Variants in MOB2 observed in about 807,000 individuals in gnomAD.
MOB2 encodes MOB2 Mps One Binder homolog.
In MOB2, 14 loss-of-function variants were observed where a neutral mutation model predicts 27.4. The observed-to-expected ratio is 0.51, with a 90% CI of 0.34 to 0.80. MOB2 has a LOEUF of 0.80. MOB2 is among the 30% of genes least tolerant of loss of function. MOB2 has a pLI of 0.01. For missense variants in MOB2, 304 were observed against 354.6 expected (o/e 0.86, Z 1.15); for synonymous variants, 167 against 151.8 (o/e 1.10, Z -0.74).
chr11:1,470,364 G>A lies in MOB2; in HGVS notation c.615C>T (p.His205=). ...TGAAGTGGACGTAGAGCGTGTTCAA[G>A]TGTCCGTGCAGCTCCAGGGCCAGCG... The part of the protein sequence containing the change: ...KETLALELHG[H]LNTLYVHFIL... The change falls in exon 5 of 5, where the codon CAC becomes CAT. Residue 205 remains histidine (H), a synonymous_variant. Transcript: ENST00000329957. 1.2e-6 allele frequency: 2 copies of A among 1,613,692 alleles called. No individual in the cohort carries two copies. The highest frequency in any genetic ancestry group is 1.7e-5 in the Admixed American group (1 of 60,038).
At chr11:1,479,176 C>T (rs982241603) in intron 3 of MOB2, among the ~76,000 whole-genome samples, 1 of 152,166 alleles carries the variant, frequency 6.6e-6, no homozygotes, top group Non-Finnish European at 1.5e-5. Flanking sequence ...AGGAGCAGAG[C>T]CTCTGGGAAG....
intron 1 of MOB2, 47 bp from the exon 2 acceptor site, chr11:1,480,932 C>T (rs1037689913): frequency 6.5e-7 from 1 of 1,543,296 alleles, no homozygotes; most frequent in African/African-American, 1.4e-5. Context: ...CCCATCAGAC[C>T]CAGGGTCTGC....
intron 3 of MOB2, among the ~76,000 whole-genome samples, chr11:1,474,000 A>G (rs1007889815): frequency 6.6e-6 from 1 of 152,216 alleles, no homozygotes; most frequent in Non-Finnish European, 1.5e-5. Flanking sequence ...CTCACTGCCC[A>G]GACACTGCCC....
chr11:1,477,392 C>G (rs1451116196), intron 3 of MOB2, among the ~76,000 whole-genome samples: 1 of 152,210 alleles, frequency 6.6e-6, no homozygotes, highest in Admixed American at 6.5e-5. Context: ...TGTCCTCTTA[C>G]TTCTCACCCG....
chr11:1,470,897 C>T (rs7396027), intron 4 of MOB2, among the ~76,000 whole-genome samples: 42,194 of 152,250 alleles, frequency 0.28, 6,933 homozygotes, highest in East Asian at 0.63. Context: ...CTGTTGTCCC[C>T]TGCCGTCCCT....
rs1437640430 is a variant in MOB2 at position 1,469,860 on chromosome 11, C to T, written c.*312G>A. 1 of 633,970 alleles carries T rather than the reference C, an allele frequency of 1.6e-6. No homozygotes were observed. Among genetic ancestry groups the T allele is most frequent in the Non-Finnish European group, 2.9e-6 (1 of 346,342 alleles). 39.3% of individuals were successfully genotyped at this position (633,970 alleles called of 1,614,324 possible). ...AGCAGCACCCGAGGGAGGGCAGGGG[C>T]TGCACGGAGACCAGAGAAAGGAAAA... On this transcript the variant is annotated 3_prime_UTR_variant, in exon 5 of 5. Coordinates refer to ENST00000329957, the MANE Select transcript of MOB2 (RefSeq NM_001172223.3).
rs1847781535 is a variant in MOB2, at chr11:1,470,942, A to T, written c.490+353T>A. On this transcript the variant is annotated intron_variant, in intron 4 of 4. Transcript: ENST00000329957. Reference sequence around the variant, plus strand: ...CGGGAGTGGCGTGGAGCCCCACCACATCCCACCAAAATCTGGACACAGGCT... The same window carrying T: ...CGGGAGTGGCGTGGAGCCCCACCACTTCCCACCAAAATCTGGACACAGGCT... Among the ~76,000 whole-genome samples, 3 of 152,228 alleles carry T rather than the reference A, an allele frequency of 2.0e-5. No homozygotes were observed. The South Asian group carries it at 6.2e-4, about 31-fold the overall frequency.
intron 3 of MOB2, among the ~76,000 whole-genome samples, chr11:1,477,448 G>A (rs1476388534): frequency 6.6e-6 from 1 of 152,162 alleles, no homozygotes; most frequent in Non-Finnish European, 1.5e-5. Flanking sequence ...GGGTGCTTAT[G>A]CCCCACATTC....
intron 4 of MOB2, 60 bp downstream of exon 4, chr11:1,471,235 C>T (rs1215783429): frequency 2.0e-5 from 31 of 1,555,066 alleles, no homozygotes; most frequent in African/African-American, 9.5e-5. Context: ...CTTGCAGACA[C>T]GTCCTGAATG....
intron 1 of MOB2, among the ~76,000 whole-genome samples, chr11:1,485,897 T>C (rs1462426992): frequency 6.6e-6 from 1 of 152,076 alleles, no homozygotes; most frequent in Non-Finnish European, 1.5e-5. Flanking sequence ...TCCGGCAACA[T>C]CCCTATGGCA....
At chr11:1,472,622 G>C (rs76629325) in intron 3 of MOB2, 1 of 152,366 alleles carries the variant, frequency 6.6e-6, no homozygotes, top group Non-Finnish European at 1.5e-5. Context: ...GGGTGGGGCA[G>C]TGCTGAAAAG....
chr11:1,469,953 G>T lies in MOB2; in HGVS notation c.*219C>A, dbSNP rs932945007. Reference sequence around the variant, plus strand: ...GCTGAACGAGTGAATGGGCCCAAAGGCTCTTCTCTACAAACGGCACGCATC... The same window carrying T: ...GCTGAACGAGTGAATGGGCCCAAAGTCTCTTCTCTACAAACGGCACGCATC... On this transcript the variant is annotated 3_prime_UTR_variant, in exon 5 of 5. Coordinates refer to ENST00000329957, the MANE Select transcript of MOB2 (RefSeq NM_001172223.3). 1 of 1,128,084 alleles carries T rather than the reference G, an allele frequency of 8.9e-7. No individual in the cohort carries two copies. Among genetic ancestry groups the T allele is most frequent in the Non-Finnish European group, 1.3e-6 (1 of 775,452 alleles). The allele number at this position is 1,128,084 out of a possible 1,614,324, so 69.9% of individuals were successfully genotyped here.
chr11:1,475,535 A>G (rs1209105960), intron 3 of MOB2, among the ~76,000 whole-genome samples: 4 of 152,218 alleles, frequency 2.6e-5, no homozygotes, highest in Admixed American at 2.6e-4. Flanking sequence ...TCCTGAAGTG[A>G]TCCACCGCCT....
intron 3 of MOB2, among the ~76,000 whole-genome samples, chr11:1,473,917 C>A (rs892540969): frequency 3.9e-5 from 6 of 152,276 alleles, no homozygotes; most frequent in Non-Finnish European, 7.3e-5. Flanking sequence ...CGGATCCTCC[C>A]GATCTGGGCC....
rs1590759756 is a variant in MOB2, at chr11:1,470,002, A to G, written c.*170T>C. 1.3e-6 allele frequency: 2 copies of G among 1,516,382 alleles called. No homozygotes were observed. Among genetic ancestry groups the G allele is most frequent in the African/African-American group, 1.4e-5 (1 of 72,828 alleles). 93.9% of individuals were successfully genotyped at this position (1,516,382 alleles called of 1,614,324 possible). A position where few individuals can be genotyped will look rare whatever the true frequency, so the allele number is the denominator to read the frequency against. ...TCCATCCGACAGGGGGCCACAGGAC[A>G]CGGCCGGGGCCGTCTGCGTCTGTGC... On this transcript the variant is annotated 3_prime_UTR_variant, in exon 5 of 5. Transcript: ENST00000329957.
chr11:1,469,498 C>T lies in MOB2; in HGVS notation c.*674G>A, dbSNP rs1435344713. 8 of 452,040 alleles carry T rather than the reference C, an allele frequency of 1.8e-5. No homozygotes were observed. In the East Asian group the frequency reaches 5.6e-4, roughly 32 times the overall value. 28.0% of individuals were successfully genotyped at this position (452,040 alleles called of 1,614,324 possible). ...TTTTTATTACGAGTGAACAGATGAACTAAGGTAAGCGGGTCTCAGCCTTCC... is the reference window on the plus strand; with the variant it reads ...TTTTTATTACGAGTGAACAGATGAATTAAGGTAAGCGGGTCTCAGCCTTCC... On this transcript the variant is annotated 3_prime_UTR_variant, in exon 5 of 5. Coordinates refer to ENST00000329957, the MANE Select transcript of MOB2 (RefSeq NM_001172223.3).
Position 1,486,491 on chromosome 11 carries a change from T to G in MOB2, c.66A>C (p.Gly22=). ...CCTGAAGCACCATTTTGCAGCAGAG[T>G]CCACTTTGCAGGGACTGGCCGGGCC... ...QARPGQSLQS[G]LCCKMVLQAV... Residue 22 remains glycine, a synonymous_variant, in exon 1 of 5, where the codon GGA becomes GGC. Coordinates refer to ENST00000329957, the MANE Select transcript of MOB2 (RefSeq NM_001172223.3). 1 of 1,535,846 alleles carries G rather than the reference T, an allele frequency of 6.5e-7. No homozygotes were observed. Among genetic ancestry groups the G allele is most frequent in the South Asian group, 1.2e-5 (1 of 84,060 alleles).
intron 1 of MOB2, among the ~76,000 whole-genome samples, chr11:1,484,660 C>T (rs1261851158): frequency 1.3e-5 from 2 of 152,152 alleles, no homozygotes; most frequent in Non-Finnish European, 2.9e-5. Context: ...ACCCCCACCC[C>T]TACATTTCTG....
chr11:1,477,084 A>G (rs1475458285), intron 3 of MOB2, among the ~76,000 whole-genome samples: 1 of 151,902 alleles, frequency 6.6e-6, no homozygotes, highest in Non-Finnish European at 1.5e-5. Flanking sequence ...TTTCAATCCA[A>G]CCCACGGGTG....
Sources: gnomAD v4.1 joint callset for allele counts (sites outside exome capture counted in the v4.1 genomes callset) on GRCh38, gnomAD v4.1.1 for gene constraint, MANE v1.5 for transcripts, NCBI Gene and HGNC (gene_info 2026-07-23, HGNC 2026-07-21) for gene names.